Variants in NTRK3 observed in about 807,000 individuals in gnomAD.
The protein encoded by NTRK3 is neurotrophic receptor tyrosine kinase 3.
Under a neutral mutation model 91.7 loss-of-function variants are expected in NTRK3, and 24 were observed. The ratio of observed to expected loss-of-function variants is 0.26; its 90% CI spans 0.19 to 0.37. NTRK3 has a LOEUF of 0.37. Ranked by LOEUF, NTRK3 falls within the 10% of genes least tolerant of loss-of-function variation. The probability of loss-of-function intolerance (pLI) is 1.00; values close to 1 mark genes in which losing one functional copy is unlikely to be tolerated. For missense variants in NTRK3, 880 were observed against 1,068.9 expected (o/e 0.82, Z 2.46); for synonymous variants, 483 against 404.0 (o/e 1.20, Z -2.34).
At chr15:88,194,499 C>A (rs753928645) in intron 3 of NTRK3, among the ~76,000 whole-genome samples, 3 of 152,206 alleles carry the variant, frequency 2.0e-5, no homozygotes, top group African/African-American at 7.2e-5. Context: ...CCCAGACAAA[C>A]CCTGTCATTG....
intron 14 of NTRK3, among the ~76,000 whole-genome samples, chr15:88,023,233 T>C (rs2077735671): frequency 6.6e-6 from 1 of 152,170 alleles, no homozygotes; most frequent in African/African-American, 2.4e-5. Flanking sequence ...ACTTATTTGC[T>C]TGGCTCCCAA....
intron 14 of NTRK3, among the ~76,000 whole-genome samples, chr15:88,002,228 G>T (rs868746607): frequency 8.4e-6 from 1 of 118,856 alleles, no homozygotes; most frequent in African/African-American, 3.3e-5. Flanking sequence ...GGACTATTTC[G>T]AGTTTTCTCA....
chr15:87,947,643 G>C (rs1166972631), intron 14 of NTRK3, among the ~76,000 whole-genome samples: 3 of 151,822 alleles, frequency 2.0e-5, no homozygotes, highest in Non-Finnish European at 4.4e-5. Flanking sequence ...AGTCCTGAGC[G>C]TGACTACACG....
intron 7 of NTRK3, 114 bp from the exon 8 acceptor site, chr15:88,136,723 A>G: frequency 7.6e-7 from 1 of 1,307,708 alleles, no homozygotes; most frequent in Non-Finnish European, 1.1e-6. Context: ...TGACTCTAAC[A>G]CCACCTGCTT....
Position 88,015,005 on chromosome 15 carries a change from G to C in NTRK3, c.1585+17852C>G, listed in dbSNP as rs147560072. ...TCAGAGGGAGTGGAGCCTGCTGGCA[G>C]CAACTGCTAGATCGCTCTCATTTTC... On this transcript the variant is annotated intron_variant, in intron 14 of 18. Coordinates refer to ENST00000394480, the Ensembl canonical transcript of NTRK3. Among the ~76,000 whole-genome samples, 116 of 152,304 alleles carry C rather than the reference G, an allele frequency of 7.6e-4. 1 individual carries two copies. The highest frequency in any genetic ancestry group is 1.2e-3 in the Admixed American group (18 of 15,296).
At position 88,052,961 on chromosome 15, in the gene NTRK3, T is replaced by A. The variant is rs1231163484; in HGVS notation, c.1397-19916A>T. 3.3e-5 allele frequency among the ~76,000 whole-genome samples: 5 copies of A among 152,312 alleles called. 1 individual carries two copies. In the South Asian group the frequency reaches 1.0e-3, roughly 32 times the overall value. Reference sequence around the variant, plus strand: ...TGTAACTTTAAATAAGTGGCTTAACTTCTTTGAGCCTTGGTTTCCTATCTG... The same window carrying A: ...TGTAACTTTAAATAAGTGGCTTAACATCTTTGAGCCTTGGTTTCCTATCTG... On this transcript the variant is annotated intron_variant, in intron 13 of 18. Transcript: ENST00000394480.
chr15:88,116,940 G>C (rs2052158221), intron 13 of NTRK3, among the ~76,000 whole-genome samples: 1 of 152,184 alleles, frequency 6.6e-6, no homozygotes, highest in South Asian at 2.1e-4. Flanking sequence ...CAAGCTCCCA[G>C]CATTATCAGA....
At chr15:87,930,522 A>G (rs2068699768) in intron 16 of NTRK3, among the ~76,000 whole-genome samples, 1 of 152,130 alleles carries the variant, frequency 6.6e-6, no homozygotes, top group African/African-American at 2.4e-5. Context: ...GCATCAGCTC[A>G]CAAGGAAGAG....
intron 16 of NTRK3, among the ~76,000 whole-genome samples, chr15:87,929,991 T>C (rs886941400): frequency 1.3e-5 from 2 of 152,134 alleles, no homozygotes; most frequent in Non-Finnish European, 2.9e-5. Flanking sequence ...TTGGGAGTGC[T>C]TGTTCCAAGA....
chr15:87,897,561 T>C (rs542282937), intron 17 of NTRK3, among the ~76,000 whole-genome samples: 29 of 152,260 alleles, frequency 1.9e-4, no homozygotes, highest in African/African-American at 7.0e-4. Flanking sequence ...CTCAGATCCA[T>C]GGATCACACT....
chr15:87,869,928 A>T (rs1189618403), exon 19 of NTRK3: 1 of 191,446 alleles, frequency 5.2e-6, no homozygotes, highest in Non-Finnish European at 1.1e-5. Flanking sequence ...GTTCTTCTTA[A>T]ATGAAAGAAT....
At chr15:88,138,983 G>A (rs1034834143) in intron 6 of NTRK3, among the ~76,000 whole-genome samples, 1 of 152,144 alleles carries the variant, frequency 6.6e-6, no homozygotes, top group Non-Finnish European at 1.5e-5. Flanking sequence ...TCCAAGATAT[G>A]CTCAAAGCCC....
intron 14 of NTRK3, among the ~76,000 whole-genome samples, chr15:88,019,462 C>T (rs1031755979): frequency 1.3e-5 from 2 of 152,208 alleles, no homozygotes; most frequent in African/African-American, 2.4e-5. Flanking sequence ...CCATTCCCAG[C>T]CCCAGGGGAG....
intron 3 of NTRK3, among the ~76,000 whole-genome samples, chr15:88,236,351 G>A (rs554681503): frequency 1.3e-5 from 2 of 152,020 alleles, no homozygotes; most frequent in Non-Finnish European, 2.9e-5. Flanking sequence ...TGAAGCTGTA[G>A]AAGAAGGAAA....
At chr15:88,053,995 T>C (rs1016313225) in intron 13 of NTRK3, among the ~76,000 whole-genome samples, 15 of 152,166 alleles carry the variant, frequency 9.9e-5, no homozygotes, top group African/African-American at 3.4e-4. Context: ...CCAAGGTAGA[T>C]AGAATGTGCT....
intron 13 of NTRK3, among the ~76,000 whole-genome samples, chr15:88,096,884 A>C (rs1303155884): frequency 1.3e-5 from 2 of 152,120 alleles, no homozygotes; most frequent in African/African-American, 4.8e-5. Context: ...TCCTGGAATC[A>C]CCTCCCAAAT....
intron 4 of NTRK3, among the ~76,000 whole-genome samples, 190 bp from the exon 5 acceptor site, chr15:88,183,679 G>A (rs536796864): frequency 2.3e-4 from 35 of 152,282 alleles, no homozygotes; most frequent in Non-Finnish European, 3.5e-4. Context: ...GGGCTCACAC[G>A]CCCCAGGGCC....
rs141280763 is a variant in NTRK3, at chr15:88,236,688, G to C, written c.248+19218C>G. On this transcript the variant is annotated intron_variant, in intron 3 of 18. Transcript: ENST00000394480. The stretch of plus-strand genomic sequence containing the variant: ...GATTAAAAAAAAAAAACTACATATT[G>C]GGTACAAATCTCTACAAGTTCACAC... Among the ~76,000 whole-genome samples the C allele has an allele frequency of 4.4e-3, 644 of 147,734 alleles. 5 individuals carry two copies. Among genetic ancestry groups the C allele is most frequent in the African/African-American group, 0.015 (618 of 40,248 alleles).
chr15:87,913,987 T>A (rs928953134), intron 17 of NTRK3, among the ~76,000 whole-genome samples: 4 of 152,218 alleles, frequency 2.6e-5, no homozygotes, highest in African/African-American at 7.2e-5. Flanking sequence ...TTCCTGGCTC[T>A]GGACAAGGGA....
Sources: allele counts gnomAD v4.1 joint callset (sites outside exome capture counted in the v4.1 genomes callset), GRCh38; gene constraint gnomAD v4.1.1; transcripts MANE v1.5; gene names NCBI Gene and HGNC (gene_info 2026-07-23, HGNC 2026-07-21).